Variants in ARMC8 observed in about 807,000 individuals in gnomAD.
The protein encoded by ARMC8 is armadillo repeat-containing protein 8.
Under a neutral mutation model 99.3 loss-of-function variants are expected in ARMC8, and 20 were observed. That is an observed-to-expected ratio of 0.20 (90% CI 0.14 to 0.29). ARMC8 has a LOEUF of 0.29. Ranked by LOEUF, ARMC8 falls within the 10% of genes least tolerant of loss-of-function variation. The probability of loss-of-function intolerance (pLI) is 1.00; values close to 1 mark genes in which losing one functional copy is unlikely to be tolerated. For missense variants in ARMC8, 569 were observed against 809.5 expected (o/e 0.70, Z 3.60); for synonymous variants, 263 against 278.3 (o/e 0.95, Z 0.55).
chr3:138,237,709 C>CTG (rs2046403296), intron 9 of ARMC8, 137 bp downstream of exon 9: 2 of 661,232 alleles, frequency 3.0e-6, no homozygotes, highest in Non-Finnish European at 5.0e-6. Flanking sequence ...GAGTCCATCC[C>CTG]ACATTTTCTT....
intron 6 of ARMC8, 140 bp downstream of exon 6, chr3:138,229,150 A>ATATG (rs1233421778): frequency 7.2e-5 from 3 of 41,838 alleles, no homozygotes; most frequent in African/African-American, 2.4e-4. Context: ...ATATATATAT[A>ATATG]TATATATATA....
chr3:138,231,962 T>C (rs902229517), intron 6 of ARMC8, among the ~76,000 whole-genome samples: 1 of 8,200 alleles, frequency 1.2e-4, no homozygotes, highest in Non-Finnish European at 4.0e-4. Flanking sequence ...TTGCAATTGC[T>C]TTTTTTTTTT....
rs758687348 is a variant in ARMC8 at position 138,296,026 on chromosome 3, G to A, written c.*134G>A. 8 of 778,218 alleles carry A rather than the reference G, an allele frequency of 1.0e-5. No individual in the cohort carries two copies. The highest frequency in any genetic ancestry group is 1.0e-4 in the Admixed American group (3 of 29,442). The allele number at this position is 778,218 out of a possible 1,614,324, so 48.2% of individuals were successfully genotyped here. ...GGAGCTGTTTTGCAAAAGCAGTTTA[G>A]TAGGCTTAGATCTCAAATTCATCTT... On this transcript the variant is annotated 3_prime_UTR_variant, in exon 22 of 22. Coordinates refer to ENST00000469044, the MANE Select transcript of ARMC8 (RefSeq NM_001363941.2).
chr3:138,197,170 A>G (rs1432159327), intron 1 of ARMC8, among the ~76,000 whole-genome samples: 2 of 152,198 alleles, frequency 1.3e-5, no homozygotes, highest in Non-Finnish European at 2.9e-5. Context: ...GGCCTGCGAT[A>G]TTGCCGTGAT....
At position 138,241,873 on chromosome 3, in the gene ARMC8, C is replaced by T; in HGVS notation, c.928C>T (p.Pro310Ser). The T allele has an allele frequency of 3.7e-6, 6 of 1,613,856 alleles. No individual in the cohort carries two copies. The highest frequency in any genetic ancestry group is 5.1e-6 in the Non-Finnish European group (6 of 1,179,794). Reference sequence around the variant, plus strand: ...TGAGACACTTGCCTATCTGATTGAACCAGATGTTGAGCTACAGAGAATCGC... The same window carrying T: ...TGAGACACTTGCCTATCTGATTGAATCAGATGTTGAGCTACAGAGAATCGC... ...GAETLAYLIEPDVELQRIASI... is the reference protein window; with the variant it reads ...GAETLAYLIESDVELQRIASI... The change falls in exon 11 of 22, where the codon CCA (proline) becomes TCA (serine). Residue 310 changes from proline to serine, a missense_variant. Pro to Ser is a moderately conservative substitution (Grantham distance 74). Transcript: ENST00000469044.
intron 1 of ARMC8, among the ~76,000 whole-genome samples, chr3:138,194,929 T>C (rs17204138): frequency 0.04 from 6,161 of 152,226 alleles, 162 homozygotes; most frequent in South Asian, 0.095. Context: ...GCCATTAGTT[T>C]ACAAAGCACT....
At chr3:138,267,718 T>C (rs1376106569) in intron 15 of ARMC8, among the ~76,000 whole-genome samples, 1 of 152,200 alleles carries the variant, frequency 6.6e-6, no homozygotes, top group Non-Finnish European at 1.5e-5. Context: ...CTGCATTTTA[T>C]AAAATATTTG....
At chr3:138,224,221 G>A (rs2045563795) in intron 5 of ARMC8, among the ~76,000 whole-genome samples, 1 of 151,492 alleles carries the variant, frequency 6.6e-6, no homozygotes, top group South Asian at 2.1e-4. Context: ...GCCTCCCAAA[G>A]TGCTGGGATT....
chr3:138,274,805 A>C (rs1190114896), intron 18 of ARMC8, among the ~76,000 whole-genome samples: 1 of 152,218 alleles, frequency 6.6e-6, no homozygotes, highest in Admixed American at 6.5e-5. Flanking sequence ...CTACAGGAGC[A>C]GTCACCTTTC....
At chr3:138,225,436 A>G (rs538167887) in intron 5 of ARMC8, among the ~76,000 whole-genome samples, 12 of 152,246 alleles carry the variant, frequency 7.9e-5, no homozygotes, top group African/African-American at 2.9e-4. Context: ...TCAATATACA[A>G]TAGATTATTG....
chr3:138,263,495 T>G, intron 12 of ARMC8: 1 of 518,756 alleles, frequency 1.9e-6, no homozygotes, highest in Non-Finnish European at 3.5e-6. Context: ...GTTAAATGTC[T>G]TTAAAAATAA....
intron 1 of ARMC8, among the ~76,000 whole-genome samples, chr3:138,190,391 A>T (rs2107937173): frequency 6.8e-6 from 1 of 148,146 alleles, no homozygotes; most frequent in South Asian, 2.1e-4. Flanking sequence ...GGTTCAAGCG[A>T]TTCTCCTGCC....
intron 6 of ARMC8, among the ~76,000 whole-genome samples, chr3:138,231,479 C>A (rs1340497207): frequency 6.6e-6 from 1 of 152,008 alleles, no homozygotes; most frequent in Non-Finnish European, 1.5e-5. Flanking sequence ...GCAATATAAT[C>A]ATAATTATAT....
At chr3:138,251,624 A>G (rs1464790120) in intron 12 of ARMC8, among the ~76,000 whole-genome samples, 1 of 152,238 alleles carries the variant, frequency 6.6e-6, no homozygotes, top group Admixed American at 6.5e-5. Context: ...TTTTTAAAGA[A>G]ATAACCATGA....
chr3:138,202,849 A>T (rs566823972), intron 1 of ARMC8, among the ~76,000 whole-genome samples: 13 of 152,284 alleles, frequency 8.5e-5, no homozygotes, highest in South Asian at 2.1e-4. Flanking sequence ...TTTATTCTTC[A>T]TTGTCTAATA....
chr3:138,190,936 A>G (rs370694049), intron 1 of ARMC8, among the ~76,000 whole-genome samples: 1 of 152,334 alleles, frequency 6.6e-6, no homozygotes, highest in African/African-American at 2.4e-5. Context: ...AAAACATGTC[A>G]TAGAGGAAAC....
At chr3:138,228,842 T>C in intron 5 of ARMC8, 76 bp from the exon 6 acceptor site, 1 of 893,948 alleles carries the variant, frequency 1.1e-6, no homozygotes, top group South Asian at 1.4e-5. Flanking sequence ...GACTACCTTC[T>C]TGTGGAAATA....
chr3:138,187,591 G>T lies in ARMC8; in HGVS notation c.37G>T (p.Val13Phe), dbSNP rs1473546297. The change falls in exon 1 of 22, where the codon GTC becomes TTC. Residue 13 changes from valine (V) to phenylalanine (F), a missense_variant. Physicochemically the swap from Val to Phe is conservative, Grantham distance 50. This residue lies in a region of ARMC8 where 342 missense variants were observed against 391.6 expected (regional missense o/e 0.87). Transcript: ENST00000469044. ...CLLETPIRMS[V>F]LSEVTASSRH... ...GTTGGAGACCCCAATCCGCATGAGC[G>T]TCCTTTCGGTGAGTGACCCGCCGCG... is the stretch of plus-strand genomic sequence containing the variant. The T allele has an allele frequency of 6.5e-7, 1 of 1,535,556 alleles. No homozygotes were observed. Among genetic ancestry groups the T allele is most frequent in the Non-Finnish European group, 8.7e-7 (1 of 1,146,578 alleles).
At chr3:138,234,959 A>G (rs2046253166) in intron 6 of ARMC8, 75 bp from the exon 7 acceptor site, 2 of 1,260,582 alleles carry the variant, frequency 1.6e-6, no homozygotes, top group Admixed American at 1.8e-5. Context: ...GGTTTTCTAC[A>G]TTTAAGTAAA....
Sources: allele counts gnomAD v4.1 joint callset (sites outside exome capture counted in the v4.1 genomes callset), GRCh38; gene constraint gnomAD v4.1.1; regional missense constraint gnomAD v4.1.1; transcripts MANE v1.5; gene names NCBI Gene and HGNC (gene_info 2026-07-23, HGNC 2026-07-21).